The following HMCN2 variants were observed in gnomAD, a reference collection of about 807,000 sequenced individuals.
HMCN2 encodes the protein hemicentin-2.
Under a neutral mutation model 377.5 loss-of-function variants are expected in HMCN2, and 325 were observed. The ratio of observed to expected loss-of-function variants is 0.86; its 90% CI spans 0.79 to 0.94. HMCN2 has a LOEUF of 0.94. HMCN2 is among the 40% of genes least tolerant of loss of function. The pLI, the probability that HMCN2 is intolerant of heterozygous loss-of-function variation, is 0.00. For synonymous variants in HMCN2, 2,007 were observed against 2,046.8 expected (o/e 0.98, Z 0.53); for missense variants, 4,543 against 4,725.3 (o/e 0.96, Z 1.13).
chr9:130,375,793 G>A (rs1841345663), intron 50 of HMCN2, 57 bp downstream of exon 50: 3 of 983,590 alleles, frequency 3.1e-6, no homozygotes, highest in Non-Finnish European at 3.6e-6. Context: ...ATCAGAATTG[G>A]AGGAGAGGAC....
At chr9:130,339,775 T>C (rs1838950724) in intron 23 of HMCN2, among the ~76,000 whole-genome samples, 1 of 152,202 alleles carries the variant, frequency 6.6e-6, no homozygotes, top group Non-Finnish European at 1.5e-5. Flanking sequence ...GGCCCTGGGC[T>C]AAGGGGTTGG....
In HMCN2 at chr9:130,356,171, T is replaced by C; in HGVS notation, c.5339T>C (p.Val1780Ala). ...SQGTTLHIDH[V>A]ELDHSGLFAC... Reference sequence around the variant, plus strand: ...GGGACCACACTGCACATTGACCATGTGGAGCTGGACCACTCAGGCCTCTTC... The same window carrying C: ...GGGACCACACTGCACATTGACCATGCGGAGCTGGACCACTCAGGCCTCTTC... Residue 1780 changes from valine (V) to alanine (A), a missense_variant, in exon 34 of 98, where the codon GTG becomes GCG. Physicochemically the swap from Val to Ala is moderately conservative, Grantham distance 64 (BLOSUM62 0). Around this residue, in one of 5 missense-constraint regions of HMCN2, gnomAD observed 1,032 missense variants for 1,285.1 expected, o/e 0.80. Transcript: ENST00000683500. The C allele has an allele frequency of 7.7e-7, 1 of 1,303,198 alleles. No individual in the cohort carries two copies. Among genetic ancestry groups the C allele is most frequent in the Non-Finnish European group, 1.0e-6 (1 of 988,858 alleles). The allele number at this position is 1,303,198 out of a possible 1,614,324, so 80.7% of individuals were successfully genotyped here. A position where few individuals can be genotyped will look rare whatever the true frequency, so the allele number is the denominator to read the frequency against.
rs747681869 is a variant in HMCN2 at position 130,354,919 on chromosome 9, G to A, written c.5021G>A (p.Arg1674Gln). The change falls in exon 32 of 98, where the codon CGG becomes CAG. Residue 1674 changes from arginine to glutamine, a missense_variant. This residue lies in a region of HMCN2 where 1,032 missense variants were observed against 1,285.1 expected (regional missense o/e 0.80). Coordinates refer to ENST00000683500, the MANE Select transcript of HMCN2 (RefSeq NM_001291815.2). ...CCCGTGGCAGAGAGCAACGAGTCGC[G>A]GCTGGAGACAGACGGGAGTGTGCTG... ...GLPVAESNES[R>Q]LETDGSVLRL... 20 of 1,303,912 alleles carry A rather than the reference G, an allele frequency of 1.5e-5. No individual in the cohort carries two copies. The highest frequency in any genetic ancestry group is 6.9e-5 in the Admixed American group (3 of 43,558). The allele number at this position is 1,303,912 out of a possible 1,614,324, so 80.8% of individuals were successfully genotyped here.
Position 130,312,600 on chromosome 9 carries a change from CTTT to C in HMCN2, c.2350+2540_2350+2542del, listed in dbSNP as rs1837326284. Among the ~76,000 whole-genome samples the C allele has an allele frequency of 3.7e-4, 36 of 96,036 alleles. 1 individual carries two copies. The highest frequency in any genetic ancestry group is 1.4e-3 in the African/African-American group (35 of 24,324). The allele number at this position is 96,036 out of a possible 152,430, so 63.0% of individuals were successfully genotyped here. A position where few individuals can be genotyped will look rare whatever the true frequency, so the allele number is the denominator to read the frequency against. Reference sequence around the variant, plus strand: ...TCTTTCTTTCTTTCTTTCTTTCTTTCTTTCTTTCTTTCTTTCTCTGTCTCTCTC... The same window carrying C: ...TCTTTCTTTCTTTCTTTCTTTCTTTCCTTTCTTTCTTTCTCTGTCTCTCTC... On this transcript the variant is annotated intron_variant, in intron 15 of 97. Transcript: ENST00000683500.
At chr9:130,371,850 C>T (rs1419067710) in intron 46 of HMCN2, among the ~76,000 whole-genome samples, 1 of 152,206 alleles carries the variant, frequency 6.6e-6, no homozygotes, top group Non-Finnish European at 1.5e-5. Flanking sequence ...TCCTATGTAT[C>T]TGCCCTCCAC....
At chr9:130,398,480 G>A (rs1250995910) in intron 74 of HMCN2, 71 bp from the exon 75 acceptor site, 5 of 873,604 alleles carry the variant, frequency 5.7e-6, no homozygotes, top group Admixed American at 3.9e-5. Context: ...TTTGCCCCTG[G>A]GCACAGCCTC....
In HMCN2 at chr9:130,268,525, G is replaced by C. The variant is rs894380460; in HGVS notation, c.259+2388G>C. ...AGGTGGGGAGTAGAAAGTGACATGTGGTGGCTCAGGTGCCAACTCCTGGCC... is the reference window on the plus strand; with the variant it reads ...AGGTGGGGAGTAGAAAGTGACATGTCGTGGCTCAGGTGCCAACTCCTGGCC... On this transcript the variant is annotated intron_variant, in intron 1 of 97. Coordinates refer to ENST00000683500, the MANE Select transcript of HMCN2 (RefSeq NM_001291815.2). Among the ~76,000 whole-genome samples the C allele has an allele frequency of 2.1e-4, 31 of 149,282 alleles. 2 individuals carry two copies. The highest frequency in any genetic ancestry group is 7.5e-4 in the African/African-American group (31 of 41,266).
intron 4 of HMCN2, among the ~76,000 whole-genome samples, chr9:130,291,355 G>A (rs1177196361): frequency 3.3e-5 from 5 of 152,038 alleles, no homozygotes; most frequent in East Asian, 3.9e-4. Flanking sequence ...GATTACGGGC[G>A]CCTGCCACCA....
intron 71 of HMCN2, 103 bp from the exon 72 acceptor site, chr9:130,395,821 C>A: frequency 8.6e-7 from 1 of 1,161,734 alleles, no homozygotes; most frequent in Non-Finnish European, 1.1e-6. Flanking sequence ...TACAGAGCCA[C>A]TGTCCAGCTT....
At chr9:130,270,473 GT>G (rs1834358134) in intron 1 of HMCN2, among the ~76,000 whole-genome samples, 1 of 147,922 alleles carries the variant, frequency 6.8e-6, no homozygotes, top group Non-Finnish European at 1.5e-5. Context: ...AGGCTGGGGT[GT>G]GAGGATTGCT....
intron 85 of HMCN2, among the ~76,000 whole-genome samples, chr9:130,415,327 T>C (rs1013884017): frequency 1.1e-4 from 16 of 152,116 alleles, no homozygotes; most frequent in African/African-American, 3.9e-4. Context: ...GATGTTTGAG[T>C]CATCTGGTAA....
At chr9:130,297,264 G>C (rs943705747) in intron 7 of HMCN2, among the ~76,000 whole-genome samples, 1 of 152,184 alleles carries the variant, frequency 6.6e-6, no homozygotes, top group East Asian at 1.9e-4. Flanking sequence ...AATGTCCTGG[G>C]GGACATTTGG....
rs943763918 is a variant in HMCN2, at chr9:130,376,000, G to A, written c.7918+11G>A. 1 of 982,928 alleles carries A rather than the reference G, an allele frequency of 1.0e-6. No individual in the cohort carries two copies. 60.9% of individuals were successfully genotyped at this position (982,928 alleles called of 1,614,324 possible). On this transcript the variant is annotated intron_variant, in intron 51 of 97. Coordinates refer to ENST00000683500, the MANE Select transcript of HMCN2 (RefSeq NM_001291815.2). ...ATGTGGAAGTGCTCAGTGAGTCGGGGACCCTGGGGCACAGCCGGGTGGGCA... is the reference window on the plus strand; with the variant it reads ...ATGTGGAAGTGCTCAGTGAGTCGGGAACCCTGGGGCACAGCCGGGTGGGCA...
intron 15 of HMCN2, among the ~76,000 whole-genome samples, chr9:130,313,961 G>A (rs1837410141): frequency 6.6e-6 from 1 of 151,804 alleles, no homozygotes; most frequent in Non-Finnish European, 1.5e-5. Flanking sequence ...TGTATTTTTT[G>A]TAGAGATAGA....
Position 130,379,392 on chromosome 9 carries a change from A to C in HMCN2, c.8356A>C (p.Ile2786Leu). The change falls in exon 54 of 98, where the codon ATC (isoleucine) becomes CTC (leucine). Residue 2786 changes from isoleucine to leucine, a missense_variant. Ile to Leu is a conservative substitution (Grantham distance 5). Coordinates refer to ENST00000683500, the MANE Select transcript of HMCN2 (RefSeq NM_001291815.2). Reference sequence around the variant, plus strand: ...CTACCTGTACTGCGACACCAACGCGATCCCACCCCCGGACCTCACCTGGTA... The same window carrying C: ...CTACCTGTACTGCGACACCAACGCGCTCCCACCCCCGGACCTCACCTGGTA... Reference protein sequence around the residue: ...PAYLYCDTNAIPPPDLTWYRE... With the variant: ...PAYLYCDTNALPPPDLTWYRE... The C allele has an allele frequency of 1.0e-6, 1 of 985,776 alleles. No individual in the cohort carries two copies. The highest frequency in any genetic ancestry group is 1.2e-6 in the Non-Finnish European group (1 of 829,934). 61.1% of individuals were successfully genotyped at this position (985,776 alleles called of 1,614,324 possible). A position where few individuals can be genotyped will look rare whatever the true frequency, so the allele number is the denominator to read the frequency against.
At position 130,432,477 on chromosome 9, in the gene HMCN2, T is replaced by C. The variant is rs758031957; in HGVS notation, c.14816T>C (p.Met4939Thr). Residue 4939 changes from methionine to threonine, a missense_variant, in exon 97 of 98, where the codon ATG becomes ACG. By Grantham distance (81) the Met-to-Thr change is moderately conservative. Transcript: ENST00000683500. ...AGCATCGAGTGTGGACCCGGCCAGA[T>C]GTGCTTCAACACCCGTGGCAGCTAC... ...EESIECGPGQ[M>T]CFNTRGSYQC... is the part of the protein sequence containing the mutation. 1.0e-5 allele frequency: 16 copies of C among 1,550,816 alleles called. No homozygotes were observed. Among genetic ancestry groups the C allele is most frequent in the Admixed American group, 2.0e-5 (1 of 50,988 alleles).
intron 85 of HMCN2, among the ~76,000 whole-genome samples, chr9:130,416,883 G>A (rs1259499241): frequency 6.6e-6 from 1 of 151,256 alleles, no homozygotes; most frequent in Non-Finnish European, 1.5e-5. Context: ...TATCTCGGAG[G>A]CCCCTAAATG....
rs559732249 is a variant in HMCN2, at chr9:130,349,569, C to G, written c.4336C>G (p.Gln1446Glu). Reference sequence around the variant, plus strand: ...TTCCGTGCTTGGAGCCGGGGCCGCTCAGGAGGTGCTAGGATTGGCCGGTGC... The same window carrying G: ...TTCCGTGCTTGGAGCCGGGGCCGCTGAGGAGGTGCTAGGATTGGCCGGTGC... ...PPSVLGAGAA[Q>E]EVLGLAGADV... Residue 1446 changes from glutamine (Q) to glutamate (E), a missense_variant, in exon 29 of 98, where the codon CAG (glutamine) becomes GAG (glutamate). By Grantham distance (29) the Gln-to-Glu change is conservative. Coordinates refer to ENST00000683500, the MANE Select transcript of HMCN2 (RefSeq NM_001291815.2). 3.6e-5 allele frequency: 47 copies of G among 1,303,648 alleles called. No individual in the cohort carries two copies. In the African/African-American group the frequency reaches 5.8e-4, roughly 16 times the overall value. The allele number at this position is 1,303,648 out of a possible 1,614,324, so 80.8% of individuals were successfully genotyped here.
At position 130,358,004 on chromosome 9, in the gene HMCN2, C is replaced by T. The variant is rs115654676; in HGVS notation, c.5580+16C>T. The T allele has an allele frequency of 1.1e-3, 1,420 of 1,296,934 alleles. 16 individuals are homozygous for T. The African/African-American group carries it at 0.019, about 17-fold the overall frequency. The allele number at this position is 1,296,934 out of a possible 1,614,324, so 80.3% of individuals were successfully genotyped here. A position where few individuals can be genotyped will look rare whatever the true frequency, so the allele number is the denominator to read the frequency against. ...GAACCTACAGGTATGTGCAGGGGCC[C>T]CAGGGCTGGCAAGCCAGCTGGGCAC... is the stretch of plus-strand genomic sequence containing the variant. On this transcript the variant is annotated intron_variant, in intron 35 of 97. Transcript: ENST00000683500.
Sources: allele counts gnomAD v4.1 joint callset (sites outside exome capture counted in the v4.1 genomes callset), GRCh38; gene constraint gnomAD v4.1.1; regional missense constraint gnomAD v4.1.1; transcripts MANE v1.5; gene names NCBI Gene and HGNC (gene_info 2026-07-23, HGNC 2026-07-21).